The following THSD7A variants were observed in gnomAD, a reference collection of about 807,000 sequenced individuals.
THSD7A encodes the protein thrombospondin type-1 domain-containing protein 7A.
THSD7A carries 96 observed loss-of-function variants against 231.3 expected under a neutral mutation model. The ratio of observed to expected loss-of-function variants is 0.41; its 90% CI spans 0.35 to 0.49. The LOEUF is 0.49. THSD7A is among the 20% of genes least tolerant of loss of function. The pLI is 0.05. For missense variants in THSD7A, 2,290 were observed against 2,070.2 expected, an observed-to-expected ratio of 1.11 and a Z score of -2.06; for synonymous variants, 940 against 743.3, an observed-to-expected ratio of 1.26 and a Z score of -4.30.
chr7:11,784,327 A>G (rs1312865721), intron 1 of THSD7A, among the ~76,000 whole-genome samples: 3 of 151,264 alleles, frequency 2.0e-5, no homozygotes, highest in African/African-American at 4.9e-5. Flanking sequence ...TCTTTCATCA[A>G]TTTTTGAAAC....
intron 1 of THSD7A, among the ~76,000 whole-genome samples, chr7:11,662,372 T>G (rs2128373757): frequency 6.6e-6 from 1 of 151,448 alleles, no homozygotes; most frequent in South Asian, 2.1e-4. Flanking sequence ...ACTTCTAAAT[T>G]TGTATGTGCC....
At chr7:11,378,782 A>T (rs1782383847) in intron 26 of THSD7A, 1 of 348,328 alleles carries the variant, frequency 2.9e-6, no homozygotes, top group Non-Finnish European at 5.2e-6. Context: ...ACTTTGTTCA[A>T]TTTGAAATTA....
Position 11,411,178 on chromosome 7 carries a change from C to T in THSD7A, c.3798+29G>A, listed in dbSNP as rs893098167. 10 of 1,541,662 alleles carry T rather than the reference C, an allele frequency of 6.5e-6. No homozygotes were observed. Among genetic ancestry groups the T allele is most frequent in the South Asian group, 2.3e-5 (2 of 88,426 alleles). ...TGAAATTATTAGGGAAGAATTTACT[C>T]GCGAAGATATAACACAGCATCCACC... is the stretch of plus-strand genomic sequence containing the variant. On this transcript the variant is annotated intron_variant, in intron 19 of 27. Coordinates refer to ENST00000423059, the MANE Select transcript of THSD7A (RefSeq NM_015204.3). This position sits in a 1 kb window ranked among gnomAD's most constrained non-coding sequence, Gnocchi z 4.1.
chr7:11,605,527 G>C (rs1272989941), intron 2 of THSD7A, among the ~76,000 whole-genome samples: 1 of 152,050 alleles, frequency 6.6e-6, no homozygotes, highest in Non-Finnish European at 1.5e-5. Flanking sequence ...CTACAAATCA[G>C]AATCTGATTT....
chr7:11,756,448 G>A (rs1035968563), intron 1 of THSD7A, among the ~76,000 whole-genome samples: 10 of 152,016 alleles, frequency 6.6e-5, no homozygotes, highest in Admixed American at 2.0e-4. Flanking sequence ...TTGGAGAAGT[G>A]GGGAGAGAAA....
chr7:11,463,301 G>A (rs1025681498), intron 9 of THSD7A, among the ~76,000 whole-genome samples: 3 of 152,134 alleles, frequency 2.0e-5, no homozygotes, highest in African/African-American at 4.8e-5. Flanking sequence ...TCACTGCCAT[G>A]TTTAGAGAGG....
chr7:11,776,872 C>T (rs1783423485), intron 1 of THSD7A, among the ~76,000 whole-genome samples: 1 of 152,048 alleles, frequency 6.6e-6, no homozygotes, highest in African/African-American at 2.4e-5. Context: ...CTCGTCAGGC[C>T]TAGTATAAAT....
intron 17 of THSD7A, among the ~76,000 whole-genome samples, chr7:11,414,657 T>C (rs1051876776): frequency 1.3e-5 from 2 of 152,230 alleles, no homozygotes; most frequent in African/African-American, 4.8e-5. Flanking sequence ...GCCATTCATC[T>C]ACTGGTACAG....
chr7:11,440,734 C>T (rs1463468249), intron 13 of THSD7A, among the ~76,000 whole-genome samples: 1 of 152,058 alleles, frequency 6.6e-6, no homozygotes, highest in Non-Finnish European at 1.5e-5. Flanking sequence ...GGAATTGCTT[C>T]TCATGGGTGA....
At chr7:11,707,483 T>C (rs1037989365) in intron 1 of THSD7A, among the ~76,000 whole-genome samples, 13 of 150,930 alleles carry the variant, frequency 8.6e-5, no homozygotes, top group Non-Finnish European at 1.9e-4. Context: ...GAGCATTTAT[T>C]GTTAAGGGGA....
chr7:11,430,274 T>C (rs1167188877), intron 13 of THSD7A, among the ~76,000 whole-genome samples: 1 of 152,192 alleles, frequency 6.6e-6, no homozygotes, highest in Non-Finnish European at 1.5e-5. Context: ...GTTTGCTGCG[T>C]TGTGCAACCA....
intron 1 of THSD7A, among the ~76,000 whole-genome samples, chr7:11,755,544 T>C (rs1405013710): frequency 6.6e-6 from 1 of 151,934 alleles, no homozygotes; most frequent in Non-Finnish European, 1.5e-5. Context: ...CTGTCACCTA[T>C]GATAGAGATA....
chr7:11,453,817 A>G (rs1785219933), intron 11 of THSD7A, among the ~76,000 whole-genome samples: 1 of 152,090 alleles, frequency 6.6e-6, no homozygotes, highest in Non-Finnish European at 1.5e-5. Flanking sequence ...AGTTATTGAC[A>G]TTGCTTCTTA....
chr7:11,776,364 G>C (rs1490709917), intron 1 of THSD7A, among the ~76,000 whole-genome samples: 1 of 152,172 alleles, frequency 6.6e-6, no homozygotes, highest in African/African-American at 2.4e-5. Flanking sequence ...AAGCTGCTGT[G>C]ACTACAATGC....
At chr7:11,755,418 T>G (rs1291893875) in intron 1 of THSD7A, among the ~76,000 whole-genome samples, 1 of 152,102 alleles carries the variant, frequency 6.6e-6, no homozygotes, top group African/African-American at 2.4e-5. Flanking sequence ...GAAGTTGTCC[T>G]AGTTAAAGTC....
At position 11,809,080 on chromosome 7, in the gene THSD7A, A is replaced by G. The variant is rs553729922; in HGVS notation, c.190+22677T>C. Among the ~76,000 whole-genome samples the G allele has an allele frequency of 7.9e-4, 120 of 152,298 alleles. 1 individual carries two copies. The highest frequency in any genetic ancestry group is 2.6e-3 in the African/African-American group (108 of 41,572). On this transcript the variant is annotated intron_variant, in intron 1 of 27. Coordinates refer to ENST00000423059, the MANE Select transcript of THSD7A (RefSeq NM_015204.3). The stretch of plus-strand genomic sequence containing the variant: ...TTAAGTTTAAGTAATTTATTCATTC[A>G]TCAACCATGTACTGATACCTAGTAT...
intron 11 of THSD7A, among the ~76,000 whole-genome samples, chr7:11,460,363 C>A (rs2128298040): frequency 6.6e-6 from 1 of 152,114 alleles, no homozygotes; most frequent in African/African-American, 2.4e-5. Flanking sequence ...AACAAACAAA[C>A]AAACAAACAA....
chr7:11,523,526 T>A (rs1453910813), intron 6 of THSD7A, among the ~76,000 whole-genome samples: 2 of 152,062 alleles, frequency 1.3e-5, no homozygotes, highest in African/African-American at 4.8e-5. Context: ...AAAATTTCCA[T>A]AATCCCTGAC....
At chr7:11,536,039 A>G (rs1025336329) in intron 6 of THSD7A, among the ~76,000 whole-genome samples, 6 of 152,202 alleles carry the variant, frequency 3.9e-5, no homozygotes, top group African/African-American at 1.4e-4. Context: ...ATTTTAAGTT[A>G]TTGAAAAGAT....
Sources: gnomAD v4.1 joint callset for allele counts (sites outside exome capture counted in the v4.1 genomes callset) on GRCh38, gnomAD v4.1.1 for gene constraint, Gnocchi (gnomAD v3.1) non-coding constraint, MANE v1.5 for transcripts, NCBI Gene and HGNC (gene_info 2026-07-23, HGNC 2026-07-21) for gene names.